Variants in LHX9 observed in about 807,000 individuals in gnomAD.
LHX9 encodes the protein LIM homeobox 9, also known as LIM/homeobox protein Lhx9.
In LHX9, 9 loss-of-function variants were observed where a neutral mutation model predicts 36.5. That is an observed-to-expected ratio of 0.25 (90% CI 0.15 to 0.43). The LOEUF is 0.43. Among genes scored for constraint, LHX9 ranks in the 20% least tolerant of loss-of-function variants. The pLI, the probability that LHX9 is intolerant of heterozygous loss-of-function variation, is 1.00. For missense variants in LHX9, 464 were observed against 526.4 expected, an observed-to-expected ratio of 0.88 and a Z score of 1.16; for synonymous variants, 211 against 212.1, an observed-to-expected ratio of 0.99 and a Z score of 0.04.
At chr1:197,919,166 A>C (rs1659885998) in intron 1 of LHX9, among the ~76,000 whole-genome samples, 1 of 152,114 alleles carries the variant, frequency 6.6e-6, no homozygotes, top group Admixed American at 6.5e-5. Flanking sequence ...CCAAACCCAA[A>C]TTTTGCAGCG....
chr1:197,924,205 G>A lies in LHX9; in HGVS notation c.733+2546G>A, dbSNP rs149601509. On this transcript the variant is annotated intron_variant, in intron 3 of 4. Transcript: ENST00000367387. The stretch of plus-strand genomic sequence containing the variant: ...AATAAAATAAATCCAGTTTTAACTC[G>A]TTATTTTAGCCTTCTTTGGATTTTG... 1.8e-4 allele frequency among the ~76,000 whole-genome samples: 28 copies of A among 152,288 alleles called. No homozygotes were observed. The East Asian group carries it at 4.4e-3, about 24-fold the overall frequency.
intron 3 of LHX9, among the ~76,000 whole-genome samples, chr1:197,923,495 C>CAA (rs35551488): frequency 6.8e-6 from 1 of 147,666 alleles, no homozygotes; most frequent in African/African-American, 2.5e-5. Flanking sequence ...CCCTAATTCC[C>CAA]AGAGAGAGAG....
chr1:197,918,170 G>T (rs932084664), intron 1 of LHX9, 173 bp downstream of exon 1: 1 of 720,432 alleles, frequency 1.4e-6, no homozygotes. Context: ...AGAAACGGTC[G>T]TTTTTCTGAA....
rs1659812915 is a variant in LHX9, at chr1:197,917,711, T to G, written c.-113T>G. ...CCACTCCATCTGTTTCTTCTCCTCC[T>G]TTCTCTCCCTCTTTCCCTCCATCCT... On this transcript the variant is annotated 5_prime_UTR_variant, in exon 1 of 5. Transcript: ENST00000367387. 2 of 1,586,048 alleles carry G rather than the reference T, an allele frequency of 1.3e-6. No individual in the cohort carries two copies. Among genetic ancestry groups the G allele is most frequent in the Admixed American group, 3.9e-5 (2 of 51,656 alleles).
chr1:197,918,053 C>A, intron 1 of LHX9, 56 bp downstream of exon 1: 2 of 1,562,810 alleles, frequency 1.3e-6, no homozygotes, highest in Non-Finnish European at 1.7e-6. Context: ...CTCTGTTAAA[C>A]CAAGCCGACT....
chr1:197,917,213 C>G (rs1429922878), upstream of LHX9: 51 of 1,196,030 alleles, frequency 4.3e-5, no homozygotes, highest in Non-Finnish European at 5.4e-5. Flanking sequence ...AATGTTTGTC[C>G]TGCTTGCCCA....
At chr1:197,923,631 C>A (rs960615036) in intron 3 of LHX9, among the ~76,000 whole-genome samples, 2 of 151,974 alleles carry the variant, frequency 1.3e-5, no homozygotes, top group Non-Finnish European at 2.9e-5. Flanking sequence ...AGTAGGCAAG[C>A]CTGACTTTTT....
rs1659819157 is a variant in LHX9 at position 197,917,790 on chromosome 1, A to C, written c.-34A>C. ...CCCTCTCTGGTCCCTTGCCTCCTTC[A>C]CTCGGATGAGCTGAAAGCCCCGGGC... On this transcript the variant is annotated 5_prime_UTR_variant, in exon 1 of 5. Coordinates refer to ENST00000367387, the MANE Select transcript of LHX9 (RefSeq NM_020204.3). 2 of 1,613,368 alleles carry C rather than the reference A, an allele frequency of 1.2e-6. No homozygotes were observed. Among genetic ancestry groups the C allele is most frequent in the Admixed American group, 1.7e-5 (1 of 59,960 alleles).
Position 197,921,037 on chromosome 1 carries a change from T to A in LHX9, c.378-267T>A, listed in dbSNP as rs563439913. Among the ~76,000 whole-genome samples, 4 of 150,824 alleles carry A rather than the reference T, an allele frequency of 2.7e-5. No individual in the cohort carries two copies. Among genetic ancestry groups the A allele is most frequent in the South Asian group, 2.1e-4 (1 of 4,812 alleles). On this transcript the variant is annotated intron_variant, in intron 2 of 4. Transcript: ENST00000367387. This position sits in a 1 kb window ranked among gnomAD's most constrained non-coding sequence, Gnocchi z 4.6. The stretch of plus-strand genomic sequence containing the variant: ...CTAACTAGTGGTTTGCTTTTTTAAA[T>A]TTTTTTTAATGTTTTAAATTTTCAC...
Position 197,934,573 on chromosome 1 carries a change from G to A in LHX9, c.*5314G>A, listed in dbSNP as rs1660405777. 6.6e-6 allele frequency: 1 copy of A among 152,000 alleles called. No individual in the cohort carries two copies. Among genetic ancestry groups the A allele is most frequent in the African/African-American group, 2.4e-5 (1 of 41,372 alleles). 9.4% of individuals were successfully genotyped at this position (152,000 alleles called of 1,614,324 possible). ...CATTTTGTAGTCTCTTCCACAACAG[G>A]GCAAAATAAGCACAGTAGGACTTAG... is the stretch of plus-strand genomic sequence containing the variant. On this transcript the variant is annotated 3_prime_UTR_variant, in exon 5 of 5. Transcript: ENST00000367387.
chr1:197,919,429 A>G (rs567780042), intron 1 of LHX9, among the ~76,000 whole-genome samples: 2 of 152,368 alleles, frequency 1.3e-5, no homozygotes, highest in East Asian at 1.9e-4. Flanking sequence ...GCTGCCAAAT[A>G]TATCTCAATC....
In LHX9 at chr1:197,932,630, T is replaced by C. The variant is rs934821339; in HGVS notation, c.*3371T>C. On this transcript the variant is annotated 3_prime_UTR_variant, in exon 5 of 5. Coordinates refer to ENST00000367387, the MANE Select transcript of LHX9 (RefSeq NM_020204.3). ...TTAAACACATGCTGTTGAAATTAAT[T>C]TTGAACACTTAAAGAGGCAGCACAG... 1.3e-5 allele frequency: 2 copies of C among 152,074 alleles called. No individual in the cohort carries two copies. The highest frequency in any genetic ancestry group is 2.9e-5 in the Non-Finnish European group (2 of 67,930). 9.4% of individuals were successfully genotyped at this position (152,074 alleles called of 1,614,324 possible).
chr1:197,921,580 T>C lies in LHX9; in HGVS notation c.654T>C (p.Gly218=). 4 of 1,611,852 alleles carry C rather than the reference T, an allele frequency of 2.5e-6. No individual in the cohort carries two copies. Among genetic ancestry groups the C allele is most frequent in the Non-Finnish European group, 3.4e-6 (4 of 1,179,832 alleles). ...GCCTGGCCCTGCCTTACTTCAACGG[T>C]ACGGGCACCGTGCAGAAAGGGCGGC... ...SGGLALPYFN[G]TGTVQKGRPR... Residue 218 remains glycine (G), a synonymous_variant, in exon 3 of 5, where the codon GGT becomes GGC. Transcript: ENST00000367387. The surrounding 1 kb of genome is among the most constrained non-coding windows in gnomAD (Gnocchi z 4.6).
intron 4 of LHX9, among the ~76,000 whole-genome samples, 187 bp from the exon 5 acceptor site, chr1:197,928,813 CTG>C (rs35606364): frequency 0.48 from 71,555 of 148,852 alleles, 17,697 homozygotes; most frequent in East Asian, 0.7. Context: ...TTGAATAACT[CTG>C]TTTTAAAAGA....
chr1:197,925,310 T>C (rs1254909984), intron 3 of LHX9, among the ~76,000 whole-genome samples: 1 of 152,204 alleles, frequency 6.6e-6, no homozygotes, highest in Non-Finnish European at 1.5e-5. Context: ...TAAGAACTAA[T>C]GATTATATAG....
chr1:197,928,908 A>G (rs1335266106), intron 4 of LHX9, 94 bp from the exon 5 acceptor site: 8 of 1,334,544 alleles, frequency 6.0e-6, no homozygotes, highest in African/African-American at 1.5e-5. Flanking sequence ...AAAAAAAAGA[A>G]AGAAAGAAAA....
upstream of LHX9, among the ~76,000 whole-genome samples, chr1:197,914,180 C>T (rs1364938057): frequency 6.6e-6 from 1 of 152,186 alleles, no homozygotes; most frequent in South Asian, 2.1e-4. Context: ...TAGTGGACTG[C>T]GTGTGCTCAA....
At position 197,929,339 on chromosome 1, in the gene LHX9, C is replaced by T. The variant is rs189939240; in HGVS notation, c.*80C>T. 142 of 1,188,642 alleles carry T rather than the reference C, an allele frequency of 1.2e-4. No individual in the cohort carries two copies. In the African/African-American group the frequency reaches 2.1e-3, roughly 18 times the overall value. 73.6% of individuals were successfully genotyped at this position (1,188,642 alleles called of 1,614,324 possible). A position where few individuals can be genotyped will look rare whatever the true frequency, so the allele number is the denominator to read the frequency against. On this transcript the variant is annotated 3_prime_UTR_variant, in exon 5 of 5. Coordinates refer to ENST00000367387, the MANE Select transcript of LHX9 (RefSeq NM_020204.3). ...CTAATTATTATTATTTTATTATTTA[C>T]AAGACTTTTTTTTTCTTCTAACCCA... is the stretch of plus-strand genomic sequence containing the variant.
Position 197,919,988 on chromosome 1 carries a change from G to A in LHX9, c.191G>A (p.Ser64Asn), listed in dbSNP as rs1476563739. Reference sequence around the variant, plus strand: ...TCTTTGCAGGGCATGCCCCCGCTCAGCCCGGAGAAGCCCGCCCTGTGCGCC... The same window carrying A: ...TCTTTGCAGGGCATGCCCCCGCTCAACCCGGAGAAGCCCGCCCTGTGCGCC... ...NGRDAGMPPL[S>N]PEKPALCAGC... Residue 64 changes from serine to asparagine, a missense_variant, in exon 2 of 5, where the codon AGC becomes AAC. Ser to Asn is a conservative substitution (Grantham distance 46). This residue lies in a region of LHX9 where 119 missense variants were observed against 102.4 expected (regional missense o/e 1.16). Coordinates refer to ENST00000367387, the MANE Select transcript of LHX9 (RefSeq NM_020204.3). The A allele has an allele frequency of 1.2e-6, 2 of 1,614,158 alleles. No individual in the cohort carries two copies. The highest frequency in any genetic ancestry group is 2.2e-5 in the East Asian group (1 of 44,874).
Sources: gnomAD v4.1 joint callset for allele counts (sites outside exome capture counted in the v4.1 genomes callset) on GRCh38, gnomAD v4.1.1 for gene constraint, gnomAD v4.1.1 regional missense constraint, Gnocchi (gnomAD v3.1) non-coding constraint, MANE v1.5 for transcripts, NCBI Gene and HGNC (gene_info 2026-07-23, HGNC 2026-07-21) for gene names.